Variants in ESRP1 observed in about 807,000 individuals in gnomAD.
ESRP1 encodes RNA-binding motif protein 35A.
Under a neutral mutation model 81.7 loss-of-function variants are expected in ESRP1, and 33 were observed. That is an observed-to-expected ratio of 0.40 (90% CI 0.31 to 0.54). The LOEUF is 0.54. Among genes scored for constraint, ESRP1 ranks in the 20% least tolerant of loss-of-function variants. ESRP1 has a pLI of 0.41. For missense variants in ESRP1, 672 were observed against 833.1 expected (o/e 0.81, Z 2.38); for synonymous variants, 320 against 303.3 (o/e 1.06, Z -0.57).
chr8:94,702,984 T>C (rs1174249275), intron 15 of ESRP1, among the ~76,000 whole-genome samples: 1 of 152,216 alleles, frequency 6.6e-6, no homozygotes, highest in African/African-American at 2.4e-5. Context: ...AATAAAAACA[T>C]GTTTTAACAC....
intron 10 of ESRP1, among the ~76,000 whole-genome samples, chr8:94,670,884 A>G (rs1819283935): frequency 6.6e-6 from 1 of 152,144 alleles, no homozygotes; most frequent in African/African-American, 2.4e-5. Flanking sequence ...ATACCCACCC[A>G]TTCTGTCTTG....
At chr8:94,677,664 C>T (rs1808700599) in intron 12 of ESRP1, among the ~76,000 whole-genome samples, 2 of 152,160 alleles carry the variant, frequency 1.3e-5, no homozygotes, top group South Asian at 4.1e-4. Context: ...CAGAATTGAT[C>T]TGCTTGTTTC....
chr8:94,687,163 A>G (rs1586242929), intron 13 of ESRP1, among the ~76,000 whole-genome samples: 1 of 152,234 alleles, frequency 6.6e-6, no homozygotes, highest in South Asian at 2.1e-4. Flanking sequence ...CTATCTCTTC[A>G]CTGACCCCTC....
chr8:94,663,319 C>T, intron 6 of ESRP1, among the ~76,000 whole-genome samples: 1 of 152,082 alleles, frequency 6.6e-6, no homozygotes, highest in Non-Finnish European at 1.5e-5. Context: ...GATCTCTGCT[C>T]ACTGCAACCT....
intron 15 of ESRP1, 115 bp downstream of exon 15, chr8:94,697,076 T>C: frequency 1.5e-6 from 1 of 678,612 alleles, no homozygotes; most frequent in Non-Finnish European, 2.4e-6. Context: ...TAATGTAAAA[T>C]ATCAGATATC....
chr8:94,690,575 A>G (rs1211181926), intron 13 of ESRP1, among the ~76,000 whole-genome samples: 1 of 152,154 alleles, frequency 6.6e-6, no homozygotes, highest in Non-Finnish European at 1.5e-5. Flanking sequence ...ATTGTGTTGT[A>G]TTTAAGCTTC....
intron 2 of ESRP1, 68 bp downstream of exon 2, chr8:94,642,152 A>C: frequency 5.9e-5 from 91 of 1,552,294 alleles, no homozygotes; most frequent in Non-Finnish European, 7.3e-5. Flanking sequence ...ACGCCCTCTC[A>C]GGGCGGCCCA....
intron 15 of ESRP1, among the ~76,000 whole-genome samples, chr8:94,698,360 C>T (rs961503452): frequency 2.0e-5 from 3 of 152,156 alleles, no homozygotes; most frequent in South Asian, 2.1e-4. Flanking sequence ...ATTTGTCCTT[C>T]GGTAACTGGC....
At chr8:94,664,470 G>A (rs1442973483) in intron 6 of ESRP1, among the ~76,000 whole-genome samples, 1 of 152,166 alleles carries the variant, frequency 6.6e-6, no homozygotes, top group Non-Finnish European at 1.5e-5. Context: ...AGCTAGCTGT[G>A]TTGGGCCTGC....
intron 4 of ESRP1, among the ~76,000 whole-genome samples, chr8:94,647,878 A>G (rs1817925826): frequency 6.6e-6 from 1 of 152,200 alleles, no homozygotes; most frequent in Non-Finnish European, 1.5e-5. Context: ...ATGGTGGCTT[A>G]TGTCTGTAAT....
chr8:94,655,060 GTT>G (rs139506660), intron 4 of ESRP1, among the ~76,000 whole-genome samples: 29 of 146,648 alleles, frequency 2.0e-4, no homozygotes, highest in Non-Finnish European at 2.7e-4. Context: ...GGTTTTTTGG[GTT>G]TTTTGTGTGT....
intron 13 of ESRP1, among the ~76,000 whole-genome samples, chr8:94,682,333 C>T (rs891218026): frequency 1.3e-5 from 2 of 152,234 alleles, no homozygotes; most frequent in African/African-American, 2.4e-5. Flanking sequence ...TCTTGCTTTT[C>T]GTACGACATT....
chr8:94,695,576 G>C (rs1809573160), intron 14 of ESRP1, among the ~76,000 whole-genome samples: 4 of 151,142 alleles, frequency 2.6e-5, no homozygotes, highest in Admixed American at 2.0e-4. Context: ...GGCTGGCCAG[G>C]CTGGTCTCGA....
At chr8:94,650,063 C>G (rs1818045042) in intron 4 of ESRP1, among the ~76,000 whole-genome samples, 1 of 152,080 alleles carries the variant, frequency 6.6e-6, no homozygotes, top group Non-Finnish European at 1.5e-5. Context: ...AAGTGCTGTA[C>G]CAGAGTGGTA....
At chr8:94,695,834 A>T (rs1300672787) in intron 14 of ESRP1, among the ~76,000 whole-genome samples, 1 of 151,700 alleles carries the variant, frequency 6.6e-6, no homozygotes, top group Non-Finnish European at 1.5e-5. Flanking sequence ...AGGCTGAGGC[A>T]GGTGGATCAC....
At chr8:94,653,444 G>A (rs538554605) in intron 4 of ESRP1, among the ~76,000 whole-genome samples, 3 of 152,316 alleles carry the variant, frequency 2.0e-5, no homozygotes, top group Non-Finnish European at 2.9e-5. Flanking sequence ...CCACTTAGCT[G>A]GTGGTTGGCC....
At chr8:94,705,876 A>G (rs912084384) in intron 15 of ESRP1, 49 bp from the exon 16 acceptor site, 1 of 1,443,630 alleles carries the variant, frequency 6.9e-7, no homozygotes, top group African/African-American at 1.5e-5. Flanking sequence ...AATGACATTT[A>G]GAGACTATAA....
At chr8:94,700,700 C>T (rs1429343906) in intron 15 of ESRP1, among the ~76,000 whole-genome samples, 3 of 151,864 alleles carry the variant, frequency 2.0e-5, no homozygotes, top group Admixed American at 6.6e-5. Flanking sequence ...GAGGCTGAGG[C>T]GGGCGGATCA....
chr8:94,669,374 CAG>C (rs762751187), intron 10 of ESRP1, among the ~76,000 whole-genome samples: 2 of 152,210 alleles, frequency 1.3e-5, no homozygotes, highest in African/African-American at 2.4e-5. Context: ...GTGAGTTCAT[CAG>C]AGTTTTGTGT....
Sources: allele counts gnomAD v4.1 joint callset (sites outside exome capture counted in the v4.1 genomes callset), GRCh38; gene constraint gnomAD v4.1.1; transcripts MANE v1.5; gene names NCBI Gene and HGNC (gene_info 2026-07-23, HGNC 2026-07-21).